The following EMSY variants were observed in gnomAD, a reference collection of about 807,000 sequenced individuals.
EMSY encodes the protein EMSY transcriptional repressor, BRCA2 interacting, also known as BRCA2-interacting transcriptional repressor EMSY.
A neutral mutation model predicts 134.6 loss-of-function variants in EMSY; 26 were observed. The ratio of observed to expected loss-of-function variants is 0.19; its 90% CI spans 0.14 to 0.27. The LOEUF (loss-of-function observed/expected upper bound fraction) is 0.27, where lower values mean the gene tolerates loss of function less well. EMSY is among the 10% of genes least tolerant of loss of function. The probability of loss-of-function intolerance (pLI) is 1.00; values close to 1 mark genes in which losing one functional copy is unlikely to be tolerated. For missense variants in EMSY, 1,305 were observed against 1,611.4 expected (o/e 0.81, Z 3.26); for synonymous variants, 579 against 577.8 (o/e 1.00, Z -0.03).
At chr11:76,536,189 TC>T in intron 15 of EMSY, 130 bp downstream of exon 16, 1 of 617,684 alleles carries the variant, frequency 1.6e-6, no homozygotes. Context: ...TGAGCACATT[TC>T]CCCCCTCTGG....
intron 11 of EMSY, among the ~76,000 whole-genome samples, chr11:76,518,675 G>T (rs1455064961): frequency 9.1e-6 from 1 of 110,164 alleles, no homozygotes; most frequent in African/African-American, 3.1e-5. Flanking sequence ...TAAAGTGTGT[G>T]TGTGCGCGCA....
At chr11:76,496,190 C>T in intron 8 of EMSY, 25 bp from the exon 10 acceptor site, 2 of 1,582,724 alleles carry the variant, frequency 1.3e-6, no homozygotes, top group Middle Eastern at 1.7e-4. Context: ...ATCAAATTCT[C>T]TTTTCCCTTA....
chr11:76,548,476 C>T (rs527560748), intron 20 of EMSY, among the ~76,000 whole-genome samples: 12 of 152,244 alleles, frequency 7.9e-5, no homozygotes, highest in African/African-American at 2.6e-4. Flanking sequence ...CAAGATGTAT[C>T]TTCTATTATA....
exon 19 of EMSY, chr11:76,544,594 G>C: frequency 6.2e-7 from 1 of 1,614,106 alleles, no homozygotes; most frequent in Non-Finnish European, 8.5e-7. Context: ...CACAGCCCAA[G>C]CCAGATGTAC....
chr11:76,497,359 G>A lies in EMSY; in HGVS notation c.1363+890G>A, dbSNP rs866564172. On this transcript the variant is annotated intron_variant, in intron 9 of 20. Transcript: ENST00000334736. ...GTCCAATTTTGGTCAGGATAATACCGGCCTCATAAGGTGAGTTTGGAAGTA... is the reference window on the plus strand; with the variant it reads ...GTCCAATTTTGGTCAGGATAATACCAGCCTCATAAGGTGAGTTTGGAAGTA... The A allele has an allele frequency of 3.3e-5, 5 of 152,122 alleles. 1 individual carries two copies. Among genetic ancestry groups the A allele is most frequent in the East Asian group, 3.9e-4 (2 of 5,182 alleles). 9.4% of individuals were successfully genotyped at this position (152,122 alleles called of 1,614,324 possible).
At chr11:76,515,448 A>G (rs1950418439) in intron 10 of EMSY, among the ~76,000 whole-genome samples, 2 of 152,140 alleles carry the variant, frequency 1.3e-5, no homozygotes, top group South Asian at 4.1e-4. Flanking sequence ...AAAGTGTTAG[A>G]AATAGTGGGG....
chr11:76,544,587 A>G, exon 19 of EMSY: 1 of 1,614,158 alleles, frequency 6.2e-7, no homozygotes, highest in Non-Finnish European at 8.5e-7. Flanking sequence ...GAACAAGCAC[A>G]GCCCAAGCCA....
At chr11:76,531,581 T>C (rs1258613479) in intron 14 of EMSY, among the ~76,000 whole-genome samples, 1 of 152,188 alleles carries the variant, frequency 6.6e-6, no homozygotes, top group Non-Finnish European at 1.5e-5. Flanking sequence ...GCATAGATGA[T>C]GTTAACATTG....
chr11:76,482,746 A>T (rs2135523429), intron 8 of EMSY, among the ~76,000 whole-genome samples: 1 of 152,324 alleles, frequency 6.6e-6, no homozygotes, highest in East Asian at 1.9e-4. Context: ...GAAATATGGG[A>T]CTATGTGAAA....
At position 76,539,630 on chromosome 11, in the gene EMSY, TC is replaced by T; in HGVS notation, c.2551del (p.Leu851PhefsTer2). On this transcript the variant is annotated frameshift_variant, in exon 17 of 21. Transcript: ENST00000334736. LOFTEE classifies it high-confidence loss of function. ...CTGATGAGGGGACAGAGGTTGCTTT[TC>T]CCCTTCTAGGTAAGTGGTGTGCATC... is the stretch of plus-strand genomic sequence containing the variant. The T allele has an allele frequency of 6.2e-7, 1 of 1,613,850 alleles. No individual in the cohort carries two copies. Among genetic ancestry groups the T allele is most frequent in the Non-Finnish European group, 8.5e-7 (1 of 1,179,756 alleles).
intron 6 of EMSY, among the ~76,000 whole-genome samples, chr11:76,462,498 A>G (rs1449349977): frequency 2.0e-5 from 3 of 152,232 alleles, no homozygotes; most frequent in Non-Finnish European, 2.9e-5. Flanking sequence ...ATATGTAGAC[A>G]ATCACATTGC....
intron 20 of EMSY, chr11:76,547,042 A>G (rs1437556369): frequency 2.2e-6 from 1 of 454,622 alleles, no homozygotes; most frequent in African/African-American, 2.0e-5. Context: ...AGACTAAAGA[A>G]TTACTGAGTC....
intron 8 of EMSY, among the ~76,000 whole-genome samples, chr11:76,481,334 C>T (rs553042025): frequency 7.2e-5 from 11 of 152,284 alleles, no homozygotes; most frequent in South Asian, 4.1e-4. Context: ...TGAGCCACCA[C>T]GCCCGGCCAG....
chr11:76,543,990 C>T (rs1277474062), intron 18 of EMSY, among the ~76,000 whole-genome samples: 1 of 152,194 alleles, frequency 6.6e-6, no homozygotes, highest in African/African-American at 2.4e-5. Flanking sequence ...TTTGGTTGTG[C>T]TTGCAGGGCC....
intron 10 of EMSY, among the ~76,000 whole-genome samples, chr11:76,515,102 T>A (rs1950403374): frequency 1.3e-5 from 2 of 151,334 alleles, no homozygotes; most frequent in Non-Finnish European, 2.9e-5. Context: ...AGATGTATGC[T>A]TATAACCAAT....
chr11:76,459,985 T>C, exon 6 of EMSY: 5 of 1,614,234 alleles, frequency 3.1e-6, no homozygotes, highest in Non-Finnish European at 4.2e-6. Context: ...CCTCTACCCC[T>C]GTTCCAAGTG....
intron 8 of EMSY, among the ~76,000 whole-genome samples, chr11:76,495,149 CA>C (rs1277542818): frequency 6.6e-6 from 1 of 152,214 alleles, no homozygotes; most frequent in Non-Finnish European, 1.5e-5. Context: ...TCTAGAGAGT[CA>C]TAGCGACTTC....
At chr11:76,472,605 C>T (rs766378308) in exon 8 of EMSY, 1 of 1,613,916 alleles carries the variant, frequency 6.2e-7, no homozygotes, top group South Asian at 1.1e-5. Flanking sequence ...CCTTCGTGCC[C>T]AACATTCTCT....
chr11:76,480,444 C>G (rs145843484), intron 8 of EMSY, among the ~76,000 whole-genome samples: 1 of 152,322 alleles, frequency 6.6e-6, no homozygotes, highest in African/African-American at 2.4e-5. Context: ...GACTGTGCAA[C>G]GATGGCAAGA....
Sources: allele counts gnomAD v4.1 joint callset (sites outside exome capture counted in the v4.1 genomes callset), GRCh38; gene constraint gnomAD v4.1.1; transcripts MANE v1.5; gene names NCBI Gene and HGNC (gene_info 2026-07-23, HGNC 2026-07-21).